The following GPM6B variants were observed in gnomAD, a reference collection of about 807,000 sequenced individuals.
The protein encoded by GPM6B is glycoprotein M6B, also known as neuronal membrane glycoprotein M6-b.
GPM6B carries 4 observed loss-of-function variants against 27.2 expected under a neutral mutation model. That is an observed-to-expected ratio of 0.15 (90% CI 0.07 to 0.34). GPM6B has a LOEUF of 0.34. GPM6B is among the 10% of genes least tolerant of loss of function. The pLI is 1.00. For missense variants in GPM6B, 183 were observed against 261.9 expected, an observed-to-expected ratio of 0.70 and a Z score of 2.08; for synonymous variants, 124 against 103.1, an observed-to-expected ratio of 1.20 and a Z score of -1.23.
At chrX:13,935,346 A>AAC (rs1166003089) in intron 1 of GPM6B, among the ~76,000 whole-genome samples, 4 of 102,941 alleles carry the variant, frequency 3.9e-5, no homozygotes, top group South Asian at 4.3e-4. Flanking sequence ...AAAAAAAAAA[A>AAC]AAAAAAAAAA....
At chrX:13,931,847 C>A (rs2147081445) in intron 1 of GPM6B, among the ~76,000 whole-genome samples, 1 of 112,121 alleles carries the variant, frequency 8.9e-6, no homozygotes, top group African/African-American at 3.2e-5. Context: ...ATTGCCCCAA[C>A]AAACCTTGCT....
At chrX:13,923,171 C>T (rs1372923988) in intron 1 of GPM6B, among the ~76,000 whole-genome samples, 37 of 107,474 alleles carry the variant, frequency 3.4e-4, no homozygotes, top group African/African-American at 1.1e-3. Flanking sequence ...AGTGAAACTC[C>T]GTCTCAGAAA....
In GPM6B at chrX:13,772,852, T is replaced by TA; in HGVS notation, c.*28dup. On this transcript the variant is annotated 3_prime_UTR_variant, in exon 8 of 8. Transcript: ENST00000316715. Reference sequence around the variant, plus strand: ...TCTGATGATTTGTCAGAGCTGTAAATACGTCGGCCGAAACACTCTGGCAAA... The same window carrying TA: ...TCTGATGATTTGTCAGAGCTGTAAATAACGTCGGCCGAAACACTCTGGCAAA... The TA allele has an allele frequency of 8.3e-7, 1 of 1,198,087 alleles. No individual in the cohort carries two copies. The highest frequency in any genetic ancestry group is 1.1e-6 in the Non-Finnish European group (1 of 885,750).
At chrX:13,804,433 CGG>C (rs1427922805) in intron 2 of GPM6B, among the ~76,000 whole-genome samples, 15 of 4,014 alleles carry the variant, frequency 3.7e-3, no homozygotes, top group East Asian at 0.014. Context: ...GGGCGGGGGG[CGG>C]GGGTAGCCCA....
At chrX:13,903,528 G>GC (rs2050301249) in intron 1 of GPM6B, among the ~76,000 whole-genome samples, 1 of 112,063 alleles carries the variant, frequency 8.9e-6, no homozygotes, top group Non-Finnish European at 1.9e-5. Context: ...CTGCCCCTAA[G>GC]CTCACGTTCA....
chrX:13,783,608 G>A, intron 3 of GPM6B, 87 bp from the exon 4 acceptor site: 1 of 796,950 alleles, frequency 1.3e-6, no homozygotes, highest in Non-Finnish European at 1.8e-6. Context: ...GGACATGAGG[G>A]GGATGTTCCT....
intron 1 of GPM6B, among the ~76,000 whole-genome samples, chrX:13,929,893 T>C (rs73633588): frequency 0.029 from 3,200 of 111,786 alleles, 116 homozygotes; most frequent in African/African-American, 0.092. Flanking sequence ...TTAGTATCTA[T>C]CTCCAGTTGG....
At chrX:13,774,507 G>A (rs767035616) in intron 7 of GPM6B, 3 of 1,204,200 alleles carry the variant, frequency 2.5e-6, no homozygotes, top group Non-Finnish European at 3.4e-6. Context: ...GATATTTCAT[G>A]CTACAGAGCA....
At chrX:13,880,182 G>C (rs181459227) in intron 1 of GPM6B, among the ~76,000 whole-genome samples, 65 of 111,622 alleles carry the variant, frequency 5.8e-4, no homozygotes, top group African/African-American at 2.0e-3. Flanking sequence ...TAGCGTAAAG[G>C]TCTCTCTACT....
intron 1 of GPM6B, among the ~76,000 whole-genome samples, chrX:13,849,779 G>A (rs968114095): frequency 2.7e-5 from 3 of 110,070 alleles, no homozygotes; most frequent in Admixed American, 9.7e-5. Context: ...TAAAATATAG[G>A]CCCGGTGTGG....
At chrX:13,839,349 TA>T (rs1455395928) in intron 1 of GPM6B, among the ~76,000 whole-genome samples, 3 of 72,764 alleles carry the variant, frequency 4.1e-5, no homozygotes, top group Non-Finnish European at 9.2e-5. Flanking sequence ...GATGTCTGCC[TA>T]TAACTTGTCT....
At chrX:13,774,590 G>T (rs150919148) in intron 7 of GPM6B, 5 of 1,208,118 alleles carry the variant, frequency 4.1e-6, no homozygotes, top group Non-Finnish European at 5.6e-6. Context: ...CTTCAAAACC[G>T]CATAGTTATA....
intron 3 of GPM6B, among the ~76,000 whole-genome samples, chrX:13,784,955 T>C (rs1004000876): frequency 6.3e-5 from 7 of 111,472 alleles, no homozygotes; most frequent in Admixed American, 1.9e-4. Flanking sequence ...GATGGTCACT[T>C]CCTGGGAGAA....
At chrX:13,825,388 G>A (rs1368323569) in intron 1 of GPM6B, among the ~76,000 whole-genome samples, 1 of 112,177 alleles carries the variant, frequency 8.9e-6, no homozygotes, top group African/African-American at 3.2e-5. Context: ...GGATGCCAAG[G>A]CAGAAGGTAC....
intron 2 of GPM6B, among the ~76,000 whole-genome samples, chrX:13,794,187 T>TC (rs11455413): frequency 3.1e-3 from 306 of 97,920 alleles, no homozygotes; most frequent in African/African-American, 0.011. Context: ...TCTCTCTCTC[T>TC]TTTTTTTTTT....
upstream of GPM6B, among the ~76,000 whole-genome samples, chrX:13,820,159 A>C (rs764468797): frequency 1.8e-4 from 20 of 111,528 alleles, no homozygotes; most frequent in South Asian, 3.4e-3. Context: ...GGTAACGTGG[A>C]AGACAGGGTG....
intron 2 of GPM6B, among the ~76,000 whole-genome samples, chrX:13,797,404 C>T (rs1185374179): frequency 9.0e-6 from 1 of 111,262 alleles, no homozygotes; most frequent in Non-Finnish European, 1.9e-5. Context: ...GGTGAAGAGG[C>T]CTTGAAGAAC....
At chrX:13,880,538 T>C (rs1210039492) in intron 1 of GPM6B, among the ~76,000 whole-genome samples, 16 of 108,323 alleles carry the variant, frequency 1.5e-4, no homozygotes, top group Non-Finnish European at 3.1e-4. Flanking sequence ...TAGCCGGGCG[T>C]GGTGGTGGGC....
At chrX:13,777,806 C>T (rs962316363) in intron 5 of GPM6B, among the ~76,000 whole-genome samples, 11 of 112,055 alleles carry the variant, frequency 9.8e-5, no homozygotes, top group African/African-American at 3.6e-4. Context: ...GGTCAAAATA[C>T]ATTTCCTCAT....
Sources: gnomAD v4.1 joint callset for allele counts (sites outside exome capture counted in the v4.1 genomes callset) on GRCh38, gnomAD v4.1.1 for gene constraint, MANE v1.5 for transcripts, NCBI Gene and HGNC (gene_info 2026-07-23, HGNC 2026-07-21) for gene names.